ZNF804B: variants seen among roughly 807,000 people sequenced by gnomAD.
ZNF804B encodes the protein zinc finger 804B.
In ZNF804B, 80 loss-of-function variants were observed where a neutral mutation model predicts 101.4. The ratio of observed to expected loss-of-function variants is 0.79; its 90% confidence interval spans 0.66 to 0.95. The LOEUF (loss-of-function observed/expected upper bound fraction) is 0.95, where lower values mean the gene tolerates loss of function less well. ZNF804B is among the 40% of genes least tolerant of loss of function. The probability of loss-of-function intolerance (pLI) is 0.00; values close to 1 mark genes in which losing one functional copy is unlikely to be tolerated. For synonymous variants in ZNF804B, 622 were observed against 558.8 expected, an observed-to-expected ratio of 1.11 and a Z score of -1.59; for missense variants, 1,673 against 1,561.9, an observed-to-expected ratio of 1.07 and a Z score of -1.20.
At chr7:88,950,156 A>AT (rs1040406513) in intron 1 of ZNF804B, among the ~76,000 whole-genome samples, 39 of 151,984 alleles carry the variant, frequency 2.6e-4, no homozygotes, top group African/African-American at 8.7e-4. Context: ...GAATAAAGAT[A>AT]TTTTTTCTCC....
chr7:88,810,554 C>G (rs907628052), intron 1 of ZNF804B, among the ~76,000 whole-genome samples: 3 of 151,000 alleles, frequency 2.0e-5, no homozygotes, highest in Non-Finnish European at 4.4e-5. Flanking sequence ...CCCAGCTACT[C>G]GAGAGGCTGA....
chr7:88,875,233 T>C (rs370758064), intron 1 of ZNF804B, among the ~76,000 whole-genome samples: 10 of 148,198 alleles, frequency 6.7e-5, no homozygotes, highest in African/African-American at 2.0e-4. Flanking sequence ...GACACCCTAA[T>C]ATCACAATTA....
intron 1 of ZNF804B, among the ~76,000 whole-genome samples, chr7:89,051,534 C>T (rs1584096361): frequency 6.6e-6 from 1 of 152,186 alleles, no homozygotes; most frequent in East Asian, 1.9e-4. Flanking sequence ...CTTCTGAGTC[C>T]AGCAAATACC....
intron 1 of ZNF804B, among the ~76,000 whole-genome samples, chr7:89,029,979 A>G (rs1788805020): frequency 6.6e-6 from 1 of 152,218 alleles, no homozygotes; most frequent in Admixed American, 6.5e-5. Flanking sequence ...GAACAAAACA[A>G]CTAAATATAT....
At chr7:88,808,598 T>C (rs938039329) in intron 1 of ZNF804B, among the ~76,000 whole-genome samples, 85 of 152,244 alleles carry the variant, frequency 5.6e-4, no homozygotes, top group African/African-American at 1.9e-3. Flanking sequence ...CAAGAATATA[T>C]GTGGATATAC....
rs549084492 is a variant in ZNF804B at position 89,223,232 on chromosome 7, G to A, written c.249+4937G>A. On this transcript the variant is annotated intron_variant, in intron 2 of 3. Coordinates refer to ENST00000333190, the MANE Select transcript of ZNF804B (RefSeq NM_181646.5). ...TCTTCTGTTGACCTTCCAAAAATATGCTCTTTTTGGTACACTTAGAAGTAA... is the reference window on the plus strand; with the variant it reads ...TCTTCTGTTGACCTTCCAAAAATATACTCTTTTTGGTACACTTAGAAGTAA... Among the ~76,000 whole-genome samples, 42 of 151,908 alleles carry A rather than the reference G, an allele frequency of 2.8e-4. No homozygotes were observed. The South Asian group carries it at 8.5e-3, about 31-fold the overall frequency.
At chr7:89,297,488 G>A (rs931372956) in intron 2 of ZNF804B, among the ~76,000 whole-genome samples, 1 of 152,030 alleles carries the variant, frequency 6.6e-6, no homozygotes, top group Non-Finnish European at 1.5e-5. Flanking sequence ...GTCCACAGAA[G>A]CCTATGTTGC....
rs769850704 is a variant in ZNF804B at position 89,333,538 on chromosome 7, C to A, written c.556C>A (p.Pro186Thr). 1.2e-6 allele frequency: 2 copies of A among 1,613,336 alleles called. No homozygotes were observed. The highest frequency in any genetic ancestry group is 2.2e-5 in the East Asian group (1 of 44,860). ...IISDKQRSTM[P>T]NRHQLQSDRR... ...ATCCGATAAACAGCGGTCCACCATG[C>A]CAAATCGACACCAATTACAATCAGA... is the stretch of plus-strand genomic sequence containing the variant. The change falls in exon 4 of 4, where the codon CCA (proline) becomes ACA (threonine). Residue 186 changes from proline to threonine, a missense_variant. Pro to Thr is a conservative substitution (Grantham distance 38). Transcript: ENST00000333190.
Position 89,296,355 on chromosome 7 carries a change from A to G in ZNF804B, c.250-30989A>G, listed in dbSNP as rs1790384290. Among the ~76,000 whole-genome samples the G allele has an allele frequency of 2.0e-5, 3 of 152,032 alleles. No homozygotes were observed. The South Asian group carries it at 6.2e-4, about 32-fold the overall frequency. On this transcript the variant is annotated intron_variant, in intron 2 of 3. Transcript: ENST00000333190. ...ATGTTTGACCTCTTTATTTTCATAT[A>G]ATTTTTGGTGTTATGAAGCTTTCTG...
chr7:88,991,479 C>T (rs1049542691), intron 1 of ZNF804B, among the ~76,000 whole-genome samples: 5 of 152,158 alleles, frequency 3.3e-5, no homozygotes, highest in East Asian at 1.9e-4. Context: ...GGATCCTTCC[C>T]GTGAGCCTGC....
intron 1 of ZNF804B, among the ~76,000 whole-genome samples, chr7:88,850,862 CTG>C (rs1440828912): frequency 6.6e-6 from 1 of 151,954 alleles, no homozygotes; most frequent in African/African-American, 2.4e-5. Context: ...ATTAGTAAAA[CTG>C]TATTAAAACA....
chr7:89,167,467 A>AAATAAATAAATAAATAAATT (rs371610618), intron 1 of ZNF804B, among the ~76,000 whole-genome samples: 2 of 151,416 alleles, frequency 1.3e-5, no homozygotes, highest in Non-Finnish European at 2.9e-5. Context: ...ATAAATAAAT[A>AAATAAATAAATAAATAAATT]AATAATCCCT....
chr7:89,149,398 T>C (rs1310401940), intron 1 of ZNF804B, among the ~76,000 whole-genome samples: 1 of 152,114 alleles, frequency 6.6e-6, no homozygotes, highest in African/African-American at 2.4e-5. Context: ...TGTCATTCCC[T>C]TAAGTTAATT....
intron 1 of ZNF804B, among the ~76,000 whole-genome samples, chr7:88,865,668 G>A (rs1791716037): frequency 6.6e-6 from 1 of 152,032 alleles, no homozygotes; most frequent in Non-Finnish European, 1.5e-5. Context: ...TGTTCCATGT[G>A]TCTATGCCTC....
At chr7:89,208,221 AC>A (rs1360734830) in intron 1 of ZNF804B, among the ~76,000 whole-genome samples, 61 of 151,848 alleles carry the variant, frequency 4.0e-4, no homozygotes, top group African/African-American at 1.4e-3. Context: ...AGCTGGGACT[AC>A]AGGTGCCAGC....
intron 2 of ZNF804B, among the ~76,000 whole-genome samples, chr7:89,218,665 G>C (rs2115698894): frequency 6.6e-6 from 1 of 152,154 alleles, no homozygotes; most frequent in Admixed American, 6.6e-5. Flanking sequence ...TTTACTAATA[G>C]CCTACTGTTG....
intron 3 of ZNF804B, 49 bp from the exon 4 acceptor site, chr7:89,333,314 G>A (rs1053702215): frequency 6.9e-7 from 1 of 1,453,986 alleles, no homozygotes; most frequent in Non-Finnish European, 9.1e-7. Context: ...ATGTAGATAT[G>A]ATTCCAAAGC....
chr7:88,781,550 A>G (rs2115660435), intron 1 of ZNF804B, among the ~76,000 whole-genome samples: 1 of 152,338 alleles, frequency 6.6e-6, no homozygotes, highest in South Asian at 2.1e-4. Context: ...TGCATTATGG[A>G]AAGTGTGGGC....
chr7:89,266,762 A>G lies in ZNF804B; in HGVS notation c.249+48467A>G, dbSNP rs527775415. On this transcript the variant is annotated intron_variant, in intron 2 of 3. Transcript: ENST00000333190. ...TGGTTCCAAAAATATTGGCATTGTA[A>G]TAAGTAGAGATTTTATCAGGTATAT... is the stretch of plus-strand genomic sequence containing the variant. Among the ~76,000 whole-genome samples the G allele has an allele frequency of 2.6e-5, 4 of 152,182 alleles. No homozygotes were observed. In the South Asian group the frequency reaches 8.3e-4, roughly 32 times the overall value.
Sources: allele counts gnomAD v4.1 joint callset (sites outside exome capture counted in the v4.1 genomes callset), GRCh38; gene constraint gnomAD v4.1.1; transcripts MANE v1.5; gene names NCBI Gene and HGNC (gene_info 2026-07-23, HGNC 2026-07-21).